STK32B: variants seen among roughly 807,000 people sequenced by gnomAD.
STK32B encodes serine/threonine-protein kinase 32B.
A neutral mutation model predicts 52.6 loss-of-function variants in STK32B; 43 were observed. The observed-to-expected ratio is 0.82, with a 90% CI of 0.64 to 1.05. The LOEUF is 1.05. Among genes scored for constraint, STK32B ranks in the 50% least tolerant of loss-of-function variants. The probability of loss-of-function intolerance (pLI) is 0.00; values close to 1 mark genes in which losing one functional copy is unlikely to be tolerated. For missense variants in STK32B, 621 were observed against 534.6 expected, an observed-to-expected ratio of 1.16 and a Z score of -1.59; for synonymous variants, 238 against 204.3, an observed-to-expected ratio of 1.17 and a Z score of -1.41.
chr4:5,417,702 C>T (rs77890790), intron 6 of STK32B, among the ~76,000 whole-genome samples: 3,879 of 152,064 alleles, frequency 0.026, 142 homozygotes, highest in African/African-American at 0.088. Flanking sequence ...ATCTTTATTA[C>T]GTGTTAATTC....
At chr4:5,342,922 T>A (rs933951704) in intron 4 of STK32B, among the ~76,000 whole-genome samples, 4 of 152,244 alleles carry the variant, frequency 2.6e-5, no homozygotes. Flanking sequence ...TATCCTGAAC[T>A]GCTTCCTAGA....
At chr4:5,352,769 C>T (rs369137401) in intron 4 of STK32B, among the ~76,000 whole-genome samples, 3 of 152,040 alleles carry the variant, frequency 2.0e-5, no homozygotes, top group South Asian at 4.1e-4. Flanking sequence ...AATCATCATA[C>T]AAAAATCATC....
At chr4:5,480,448 G>A (rs1718597677) in intron 11 of STK32B, among the ~76,000 whole-genome samples, 1 of 152,184 alleles carries the variant, frequency 6.6e-6, no homozygotes. Flanking sequence ...TCAAAGCAGG[G>A]TTGGTGGGGG....
chr4:5,318,571 A>G (rs1248691682), intron 3 of STK32B, among the ~76,000 whole-genome samples: 1 of 152,112 alleles, frequency 6.6e-6, no homozygotes, highest in African/African-American at 2.4e-5. Context: ...TTCCAGATAT[A>G]TTGGGACATC....
chr4:5,281,950 C>T (rs1163431962), intron 3 of STK32B, among the ~76,000 whole-genome samples: 1 of 151,916 alleles, frequency 6.6e-6, no homozygotes, highest in Non-Finnish European at 1.5e-5. Context: ...AATTGATTTA[C>T]CTATTTTTAA....
intron 3 of STK32B, among the ~76,000 whole-genome samples, chr4:5,267,801 C>A (rs1374996817): frequency 6.6e-6 from 1 of 152,176 alleles, no homozygotes; most frequent in Non-Finnish European, 1.5e-5. Flanking sequence ...AGAGACGCTG[C>A]TTGTACCATA....
chr4:5,301,746 C>CTT (rs3077862), intron 3 of STK32B, among the ~76,000 whole-genome samples: 1,600 of 124,368 alleles, frequency 0.013, 45 homozygotes, highest in African/African-American at 0.043. Context: ...GTTCCATTAG[C>CTT]TTTTTTTTTT....
At chr4:5,117,033 C>G (rs187503188) in intron 1 of STK32B, among the ~76,000 whole-genome samples, 1 of 152,142 alleles carries the variant, frequency 6.6e-6, no homozygotes, top group South Asian at 2.1e-4. Flanking sequence ...TTAGTTTTAA[C>G]AGTCTTTTTA....
intron 3 of STK32B, among the ~76,000 whole-genome samples, chr4:5,172,279 T>G (rs1352665948): frequency 6.6e-6 from 1 of 152,172 alleles, no homozygotes; most frequent in African/African-American, 2.4e-5. Context: ...CTTCCTCTTT[T>G]CCTAATTGAA....
At chr4:5,173,197 C>T (rs918668089) in intron 3 of STK32B, among the ~76,000 whole-genome samples, 1 of 152,108 alleles carries the variant, frequency 6.6e-6, no homozygotes, top group Non-Finnish European at 1.5e-5. Flanking sequence ...ATTCTTCTCT[C>T]TTTTCTTCTT....
intron 3 of STK32B, among the ~76,000 whole-genome samples, chr4:5,248,337 A>G (rs1215845817): frequency 1.3e-5 from 2 of 152,238 alleles, no homozygotes; most frequent in Non-Finnish European, 2.9e-5. Flanking sequence ...TGCCCCAAGG[A>G]TAGCTGTTTA....
intron 3 of STK32B, among the ~76,000 whole-genome samples, chr4:5,240,345 G>A (rs1452528716): frequency 1.3e-5 from 2 of 151,962 alleles, no homozygotes; most frequent in African/African-American, 2.4e-5. Flanking sequence ...CAACTCCTAA[G>A]TATTAATCTT....
chr4:5,038,527 T>C, the STK32B span, among the ~76,000 whole-genome samples: 1 of 152,226 alleles, frequency 6.6e-6, no homozygotes, highest in African/African-American at 2.4e-5. Context: ...GCTACTAGGC[T>C]ACAAACCTGT....
intron 5 of STK32B, among the ~76,000 whole-genome samples, chr4:5,409,369 A>G (rs760007376): frequency 3.3e-5 from 5 of 151,978 alleles, no homozygotes; most frequent in African/African-American, 7.3e-5. Flanking sequence ...AAGCGTTGCA[A>G]AAACTTCTCC....
At chr4:5,408,655 G>A (rs7670828) in intron 5 of STK32B, among the ~76,000 whole-genome samples, 55,126 of 152,048 alleles carry the variant, frequency 0.36, 12,668 homozygotes, top group African/African-American at 0.65. Flanking sequence ...CACTAGGTCC[G>A]ATTCCAGCTC....
chr4:5,482,247 C>T (rs1718778112), intron 11 of STK32B, among the ~76,000 whole-genome samples: 1 of 152,064 alleles, frequency 6.6e-6, no homozygotes, highest in African/African-American at 2.4e-5. Flanking sequence ...TGTTTGTATC[C>T]TCTTTTATTT....
At chr4:5,168,564 C>T (rs1560193396) in intron 3 of STK32B, 114 bp downstream of exon 3, 4 of 1,268,446 alleles carry the variant, frequency 3.2e-6, no homozygotes, top group Non-Finnish European at 4.3e-6. Flanking sequence ...ATGCAATTTT[C>T]TGGGTTCAGT....
intron 6 of STK32B, among the ~76,000 whole-genome samples, chr4:5,436,450 G>A (rs1254488409): frequency 6.6e-6 from 1 of 152,162 alleles, no homozygotes; most frequent in Non-Finnish European, 1.5e-5. Flanking sequence ...TTATGAAACA[G>A]CCACCGTGAT....
intron 6 of STK32B, among the ~76,000 whole-genome samples, chr4:5,419,202 T>C (rs576045807): frequency 6.6e-6 from 1 of 152,352 alleles, no homozygotes. Context: ...TGGTTCAGGA[T>C]AGCGTTCCTA....
Sources: gnomAD v4.1 joint callset for allele counts (sites outside exome capture counted in the v4.1 genomes callset) on GRCh38, gnomAD v4.1.1 for gene constraint, MANE v1.5 for transcripts, NCBI Gene and HGNC (gene_info 2026-07-23, HGNC 2026-07-21) for gene names.